PAK3: variants seen among roughly 807,000 people sequenced by gnomAD.
The protein encoded by PAK3 is serine/threonine-protein kinase PAK 3.
Under a neutral mutation model 41.0 loss-of-function variants are expected in PAK3, and 4 were observed. The observed-to-expected ratio is 0.10, with a 90% CI of 0.05 to 0.22. PAK3 has a LOEUF of 0.22. PAK3 is among the 10% of genes least tolerant of loss of function. The probability of loss-of-function intolerance (pLI) is 1.00; values close to 1 mark genes in which losing one functional copy is unlikely to be tolerated. For missense variants in PAK3, 205 were observed against 409.9 expected, an observed-to-expected ratio of 0.50 and a Z score of 4.32; for synonymous variants, 146 against 139.6, an observed-to-expected ratio of 1.05 and a Z score of -0.32.
chrX:111,018,957 C>A (rs2092131332), intron 1 of PAK3, among the ~76,000 whole-genome samples: 1 of 111,237 alleles, frequency 9.0e-6, no homozygotes, highest in African/African-American at 3.3e-5. Context: ...CCTTTTTGTA[C>A]CCTTTTGACA....
chrX:111,117,764 C>G (rs957927309), intron 4 of PAK3, among the ~76,000 whole-genome samples: 6 of 112,031 alleles, frequency 5.4e-5, no homozygotes, highest in African/African-American at 1.9e-4. Flanking sequence ...TAACAAGAGA[C>G]TGTACTAGTA....
intron 1 of PAK3, among the ~76,000 whole-genome samples, chrX:111,015,295 C>G (rs952029507): frequency 9.0e-6 from 1 of 110,917 alleles, no homozygotes; most frequent in African/African-American, 3.3e-5. Context: ...TTTTCTATGA[C>G]TGAATAATAT....
chrX:110,962,640 G>T (rs1196272054), intron 1 of PAK3, among the ~76,000 whole-genome samples: 1 of 112,291 alleles, frequency 8.9e-6, no homozygotes, highest in African/African-American at 3.2e-5. Flanking sequence ...GTGAAGTTGG[G>T]GGCAGCAGGC....
At chrX:111,168,724 T>C (rs1282776352) in intron 10 of PAK3, among the ~76,000 whole-genome samples, 1 of 111,881 alleles carries the variant, frequency 8.9e-6, no homozygotes, top group Non-Finnish European at 1.9e-5. Context: ...AACCCCACCA[T>C]TTGGAATGGG....
At chrX:111,040,097 A>G (rs2092439838) in intron 1 of PAK3, among the ~76,000 whole-genome samples, 1 of 110,979 alleles carries the variant, frequency 9.0e-6, no homozygotes, top group Non-Finnish European at 1.9e-5. Context: ...CCTGAAGAAG[A>G]AGACTCAACC....
intron 8 of PAK3, among the ~76,000 whole-genome samples, chrX:111,160,533 G>T (rs1299547269): frequency 9.1e-6 from 1 of 109,340 alleles, no homozygotes; most frequent in Non-Finnish European, 1.9e-5. Flanking sequence ...TGTTACATAT[G>T]TATACATGTG....
chrX:110,992,940 G>A (rs2091676225), intron 1 of PAK3, among the ~76,000 whole-genome samples: 1 of 111,431 alleles, frequency 9.0e-6, no homozygotes, highest in South Asian at 3.9e-4. Flanking sequence ...AGGCCCTATT[G>A]TCTCTTCTAC....
intron 1 of PAK3, among the ~76,000 whole-genome samples, chrX:111,064,840 T>C (rs190858056): frequency 3.6e-5 from 4 of 112,220 alleles, no homozygotes; most frequent in Admixed American, 9.4e-5. Flanking sequence ...TGAATGGTAG[T>C]TCTGTTTTAA....
chrX:111,176,674 C>T (rs2094408841), intron 11 of PAK3, among the ~76,000 whole-genome samples: 1 of 110,051 alleles, frequency 9.1e-6, no homozygotes, highest in Non-Finnish European at 1.9e-5. Flanking sequence ...TTGGCCTCAC[C>T]ACATCTGATT....
chrX:111,184,731 C>A (rs2094493247), intron 11 of PAK3, among the ~76,000 whole-genome samples: 1 of 111,287 alleles, frequency 9.0e-6, no homozygotes, highest in African/African-American at 3.3e-5. Flanking sequence ...GACATTAACT[C>A]ATCCTTTTTA....
intron 1 of PAK3, among the ~76,000 whole-genome samples, chrX:111,016,374 C>A (rs541112127): frequency 2.0e-4 from 22 of 111,334 alleles, no homozygotes; most frequent in East Asian, 8.5e-4. Flanking sequence ...TAAATGTTAG[C>A]TGGTATCATT....
chrX:110,999,675 T>TA (rs777940539), intron 1 of PAK3, among the ~76,000 whole-genome samples: 2,300 of 68,132 alleles, frequency 0.034, 60 homozygotes, highest in African/African-American at 0.093. Flanking sequence ...TTTATAAAAG[T>TA]AAAAAAAAAA....
At chrX:111,035,511 C>G (rs2092391308) in intron 1 of PAK3, among the ~76,000 whole-genome samples, 1 of 111,646 alleles carries the variant, frequency 9.0e-6, no homozygotes, top group Non-Finnish European at 1.9e-5. Context: ...GGCATGAGAG[C>G]AGGGTGGAAG....
At chrX:111,001,333 G>C (rs2091844905) in intron 1 of PAK3, among the ~76,000 whole-genome samples, 1 of 112,013 alleles carries the variant, frequency 8.9e-6, no homozygotes, top group Admixed American at 9.4e-5. Context: ...CTGAAGTCTA[G>C]AATCACTGTC....
chrX:111,006,993 C>T (rs1451970038), intron 1 of PAK3, among the ~76,000 whole-genome samples: 1 of 108,486 alleles, frequency 9.2e-6, no homozygotes. Flanking sequence ...AGTTTACAGG[C>T]ATGAGTTACC....
At position 111,226,498 on chromosome X, in the gene PAK3, G is replaced by T. The variant is rs918617652; in HGVS notation, c.*6051G>T. ...TTCTCAAGTGGCACAAGATAGCAGAGCCCATGCATTTTAATGGCTGAGACT... is the reference window on the plus strand; with the variant it reads ...TTCTCAAGTGGCACAAGATAGCAGATCCCATGCATTTTAATGGCTGAGACT... On this transcript the variant is annotated 3_prime_UTR_variant, in exon 18 of 18. Coordinates refer to ENST00000372007, the MANE Select transcript of PAK3 (RefSeq NM_002578.5). The T allele has an allele frequency of 1.8e-5, 2 of 112,323 alleles. No individual in the cohort carries two copies. The highest frequency in any genetic ancestry group is 3.2e-5 in the African/African-American group (1 of 30,908). The allele number at this position is 112,323 out of a possible 1,213,427, so 9.3% of individuals were successfully genotyped here.
intron 1 of PAK3, among the ~76,000 whole-genome samples, chrX:111,084,820 G>A (rs1437149588): frequency 1.8e-5 from 2 of 112,295 alleles, no homozygotes; most frequent in African/African-American, 6.5e-5. Context: ...TCAGGGGAAT[G>A]TGTGGGGCTT....
At chrX:111,007,008 C>T (rs2091943318) in intron 1 of PAK3, among the ~76,000 whole-genome samples, 1 of 108,852 alleles carries the variant, frequency 9.2e-6, no homozygotes, top group South Asian at 4.1e-4. Context: ...GTTACCATGC[C>T]CCCCTGAGAT....
At chrX:111,150,298 T>C (rs1326400931) in intron 7 of PAK3, among the ~76,000 whole-genome samples, 3 of 112,154 alleles carry the variant, frequency 2.7e-5, no homozygotes, top group African/African-American at 6.5e-5. Flanking sequence ...TTCTATCTTC[T>C]TCTGTGTCCT....
Sources: allele counts gnomAD v4.1 joint callset (sites outside exome capture counted in the v4.1 genomes callset), GRCh38; gene constraint gnomAD v4.1.1; transcripts MANE v1.5; gene names NCBI Gene and HGNC (gene_info 2026-07-23, HGNC 2026-07-21).